The following BACE2 variants were observed in gnomAD, a reference collection of about 807,000 sequenced individuals.
The protein encoded by BACE2 is beta-secretase 2.
Under a neutral mutation model 46.2 loss-of-function variants are expected in BACE2, and 17 were observed. The observed-to-expected ratio is 0.37, with a 90% CI of 0.25 to 0.55. The LOEUF is 0.55. BACE2 is among the 20% of genes least tolerant of loss of function. The pLI, the probability that BACE2 is intolerant of heterozygous loss-of-function variation, is 0.82. For missense variants in BACE2, 595 were observed against 698.1 expected (o/e 0.85, Z 1.66); for synonymous variants, 277 against 295.9 (o/e 0.94, Z 0.66).
intron 5 of BACE2, among the ~76,000 whole-genome samples, chr21:41,245,304 C>T (rs1987433706): frequency 6.6e-6 from 1 of 152,238 alleles, no homozygotes; most frequent in Non-Finnish European, 1.5e-5. Context: ...AGGACTCATT[C>T]CATCCCTGGG....
chr21:41,237,845 G>T (rs1043866736), intron 3 of BACE2, 116 bp downstream of exon 3: 29 of 782,386 alleles, frequency 3.7e-5, no homozygotes, highest in African/African-American at 5.2e-5. Context: ...TGAGAACCAC[G>T]TGGTGGAAAC....
At chr21:41,209,103 G>A (rs574066272) in intron 1 of BACE2, among the ~76,000 whole-genome samples, 1 of 152,342 alleles carries the variant, frequency 6.6e-6, no homozygotes, top group African/African-American at 2.4e-5. Context: ...CACCCTGGGA[G>A]GACTGCTGAA....
rs78805134 is a variant in BACE2, at chr21:41,216,063, G to A, written c.313-10203G>A. Among the ~76,000 whole-genome samples the A allele has an allele frequency of 7.2e-3, 1,089 of 152,284 alleles. 10 individuals carry two copies. The highest frequency in any genetic ancestry group is 0.024 in the African/African-American group (1,016 of 41,552). ...CACAGCCGGGGTGTTTGAGTTTTCCGTTGTTTGAGAGCGCGTCGTGTGAAA... is the reference window on the plus strand; with the variant it reads ...CACAGCCGGGGTGTTTGAGTTTTCCATTGTTTGAGAGCGCGTCGTGTGAAA... On this transcript the variant is annotated intron_variant, in intron 1 of 8. Coordinates refer to ENST00000330333, the MANE Select transcript of BACE2 (RefSeq NM_012105.5).
chr21:41,241,818 G>A lies in BACE2; in HGVS notation c.619-1G>A. Reference sequence around the variant, plus strand: ...TGCCCCTCTCTGTCGCCCTCCCGCAGCCATCAAGTTCTCTGGAGACCTTCT... The same window carrying A: ...TGCCCCTCTCTGTCGCCCTCCCGCAACCATCAAGTTCTCTGGAGACCTTCT... On this transcript the variant is annotated splice_acceptor_variant, in intron 3 of 8. Transcript: ENST00000330333. LOFTEE classifies it high-confidence loss of function. 6.2e-7 allele frequency: 1 copy of A among 1,614,136 alleles called. No homozygotes were observed. Among genetic ancestry groups the A allele is most frequent in the Non-Finnish European group, 8.5e-7 (1 of 1,180,004 alleles).
At chr21:41,225,228 C>A in intron 1 of BACE2, among the ~76,000 whole-genome samples, 1 of 141,306 alleles carries the variant, frequency 7.1e-6, no homozygotes. Context: ...AGCGAGACTC[C>A]ATCTCAAAAA....
At chr21:41,228,173 T>C (rs1568876942) in intron 2 of BACE2, among the ~76,000 whole-genome samples, 2 of 152,128 alleles carry the variant, frequency 1.3e-5, no homozygotes, top group South Asian at 2.1e-4. Flanking sequence ...CCTGACGTCA[T>C]ATGGGGGGAA....
chr21:41,242,064 A>G, intron 4 of BACE2, 117 bp downstream of exon 4: 1 of 1,348,128 alleles, frequency 7.4e-7, no homozygotes, highest in Non-Finnish European at 1.0e-6. Flanking sequence ...TAGGTACTGT[A>G]AAACTTTCAT....
chr21:41,219,523 T>A (rs1461147408), intron 1 of BACE2, among the ~76,000 whole-genome samples: 1 of 152,188 alleles, frequency 6.6e-6, no homozygotes, highest in East Asian at 1.9e-4. Context: ...CCTGCCCCCT[T>A]TGAGAATCAG....
intron 1 of BACE2, among the ~76,000 whole-genome samples, chr21:41,211,289 A>G (rs1301577841): frequency 6.6e-6 from 1 of 152,034 alleles, no homozygotes; most frequent in East Asian, 1.9e-4. Flanking sequence ...CCTGTACAGC[A>G]ATAGTGAAAT....
intron 1 of BACE2, among the ~76,000 whole-genome samples, chr21:41,207,822 A>G (rs1321525967): frequency 6.6e-6 from 1 of 152,240 alleles, no homozygotes; most frequent in Non-Finnish European, 1.5e-5. Context: ...TCTGCATCCA[A>G]GAGGCAGAGT....
intron 6 of BACE2, among the ~76,000 whole-genome samples, chr21:41,246,457 TTAGAG>T (rs1374248575): frequency 2.6e-5 from 4 of 152,184 alleles, no homozygotes; most frequent in African/African-American, 7.2e-5. Flanking sequence ...TATAGCTATG[TTAGAG>T]TAAACAATAA....
Position 41,168,400 on chromosome 21 carries a change from CCCCGGGA to C in BACE2, c.148_154del (p.Gly50LeufsTer30). The stretch of plus-strand genomic sequence containing the variant: ...GCCACGAACCGCGTAGTTGCGCCCA[CCCCGGGA>C]CCCGGGACCCCTGCCGAGCGCCACG... On this transcript the variant is annotated frameshift_variant, in exon 1 of 9. Transcript: ENST00000330333. LOFTEE classifies it high-confidence loss of function. 1 of 1,416,972 alleles carries C rather than the reference CCCCGGGA, an allele frequency of 7.1e-7. No homozygotes were observed. Among genetic ancestry groups the C allele is most frequent in the South Asian group, 1.5e-5 (1 of 65,510 alleles). The allele number at this position is 1,416,972 out of a possible 1,614,324, so 87.8% of individuals were successfully genotyped here.
chr21:41,274,223 A>G (rs528383329), intron 8 of BACE2, among the ~76,000 whole-genome samples: 1 of 152,182 alleles, frequency 6.6e-6, no homozygotes, highest in Admixed American at 6.5e-5. Flanking sequence ...CAGTGCACTT[A>G]GGAAAGCCAT....
chr21:41,219,610 T>C (rs546611365), intron 1 of BACE2, among the ~76,000 whole-genome samples: 1 of 152,324 alleles, frequency 6.6e-6, no homozygotes, highest in South Asian at 2.1e-4. Flanking sequence ...TTCAGGAATA[T>C]CTGGTTCAAC....
rs1239783408 is a variant in BACE2 at position 41,250,839 on chromosome 21, A to C, written c.1072A>C (p.Ile358Leu). The change falls in exon 7 of 9, where the codon ATC becomes CTC. Residue 358 changes from isoleucine (I) to leucine (L), a missense_variant. By Grantham distance (5) the Ile-to-Leu change is conservative. This residue lies in a region of BACE2 where 343 missense variants were observed against 419.4 expected (regional missense o/e 0.82). Coordinates refer to ENST00000330333, the MANE Select transcript of BACE2 (RefSeq NM_012105.5). ...SETPWSYFPK[I>L]SIYLRDENSS... ...AACACCTTGGTCTTACTTCCCTAAA[A>C]TCTCCATCTACCTGAGAGACGAGAA... The C allele has an allele frequency of 2.5e-6, 4 of 1,614,068 alleles. No homozygotes were observed. The highest frequency in any genetic ancestry group is 3.4e-6 in the Non-Finnish European group (4 of 1,179,978).
intron 5 of BACE2, 45 bp downstream of exon 5, chr21:41,243,555 G>C (rs763731426): frequency 4.5e-6 from 7 of 1,545,898 alleles, no homozygotes; most frequent in Non-Finnish European, 6.1e-6. Context: ...TGTATGTCTG[G>C]GTCCCTTAAA....
intron 1 of BACE2, chr21:41,181,312 G>A (rs568009448): frequency 6.0e-6 from 1 of 167,238 alleles, no homozygotes; most frequent in Admixed American, 6.5e-5. Context: ...GGGGTGCGAT[G>A]TTTATACTTC....
rs1167681768 is a variant in BACE2 at position 41,168,247 on chromosome 21, C to T, written c.-17C>T. The T allele has an allele frequency of 4.3e-6, 5 of 1,153,810 alleles. No homozygotes were observed. The highest frequency in any genetic ancestry group is 9.5e-5 in the Admixed American group (2 of 21,000). The allele number at this position is 1,153,810 out of a possible 1,614,324, so 71.5% of individuals were successfully genotyped here. A position where few individuals can be genotyped will look rare whatever the true frequency, so the allele number is the denominator to read the frequency against. On this transcript the variant is annotated 5_prime_UTR_variant, in exon 1 of 9. Transcript: ENST00000330333. ...GACCGGCTAGGCTGGGCGCGCCCCC[C>T]GGGCCCCGCCGTGGGCATGGGCGCA...
chr21:41,184,721 G>A (rs1985306574), intron 1 of BACE2: 1 of 167,030 alleles, frequency 6.0e-6, no homozygotes, highest in South Asian at 2.1e-4. Context: ...CCCCCACTCA[G>A]GACTGGGGGA....
Sources: gnomAD v4.1 joint callset for allele counts (sites outside exome capture counted in the v4.1 genomes callset) on GRCh38, gnomAD v4.1.1 for gene constraint, gnomAD v4.1.1 regional missense constraint, MANE v1.5 for transcripts, NCBI Gene and HGNC (gene_info 2026-07-23, HGNC 2026-07-21) for gene names.